CLK1: variants seen among roughly 807,000 people sequenced by gnomAD.
CLK1 encodes dual specificity protein kinase CLK1.
Under a neutral mutation model 60.9 loss-of-function variants are expected in CLK1, and 40 were observed. The ratio of observed to expected loss-of-function variants is 0.66; its 90% CI spans 0.51 to 0.86. The LOEUF is 0.86. CLK1 is among the 40% of genes least tolerant of loss of function. The probability of loss-of-function intolerance (pLI) is 0.00; values close to 1 mark genes in which losing one functional copy is unlikely to be tolerated. For synonymous variants in CLK1, 203 were observed against 184.4 expected (o/e 1.10, Z -0.82); for missense variants, 563 against 606.1 (o/e 0.93, Z 0.75).
At position 200,860,235 on chromosome 2, in the gene CLK1, G is replaced by A. The variant is rs371436258; in HGVS notation, c.391-20C>T. The A allele has an allele frequency of 1.4e-5, 22 of 1,613,472 alleles. No homozygotes were observed. Among genetic ancestry groups the A allele is most frequent in the African/African-American group, 4.0e-5 (3 of 74,818 alleles). ...ACTCTTCTGGAAACGTCAAGTGGGC[G>A]GCACCAAGATCATCCAGCCAATCAA... On this transcript the variant is annotated intron_variant, in intron 3 of 12. Transcript: ENST00000321356.
At position 200,861,430 on chromosome 2, in the gene CLK1, A is replaced by T. The variant is rs2039136216; in HGVS notation, c.198T>A (p.Asp66Glu). The T allele has an allele frequency of 1.2e-6, 2 of 1,613,984 alleles. No homozygotes were observed. The highest frequency in any genetic ancestry group is 2.2e-5 in the East Asian group (1 of 44,876). Residue 66 changes from aspartate (D) to glutamate (E), a missense_variant, in exon 3 of 13, where the codon GAT becomes GAA. Asp to Glu is a conservative substitution (Grantham distance 45). Transcript: ENST00000321356. ...CATCAATGTAGCGTCGACTATGATAATCTTTCTCATTTATAGACCTGCTTT... is the reference window on the plus strand; with the variant it reads ...CATCAATGTAGCGTCGACTATGATATTCTTTCTCATTTATAGACCTGCTTT... ...YLESRSINEKDYHSRRYIDEY... is the reference protein window; with the variant it reads ...YLESRSINEKEYHSRRYIDEY...
intron 11 of CLK1, 72 bp downstream of exon 11, chr2:200,854,544 A>G: frequency 9.9e-7 from 1 of 1,014,336 alleles, no homozygotes; most frequent in Non-Finnish European, 1.5e-6. Flanking sequence ...TCAAAAAAAA[A>G]AAAAAAATTA....
chr2:200,854,708 T>C lies in CLK1; in HGVS notation c.1141-13A>G. The C allele has an allele frequency of 1.3e-6, 2 of 1,574,596 alleles. No individual in the cohort carries two copies. On this transcript the variant is annotated splice_polypyrimidine_tract_variant and intron_variant, in intron 10 of 12. Transcript: ENST00000321356. The stretch of plus-strand genomic sequence containing the variant: ...TACTATCGTGTGTCTAGAAATAAAA[T>C]AAAAACAGACTTGGGGAAGATGACC...
At chr2:200,861,624 C>A in intron 2 of CLK1, 78 bp downstream of exon 2, 1 of 1,574,320 alleles carries the variant, frequency 6.4e-7, no homozygotes, top group South Asian at 1.2e-5. Context: ...TGGTAGTAAT[C>A]AGGTACTTAT....
At chr2:200,864,392 C>T (rs1423323762) in intron 1 of CLK1, 172 bp downstream of exon 1, 2 of 958,638 alleles carry the variant, frequency 2.1e-6, no homozygotes, top group Non-Finnish European at 2.9e-6. Context: ...GGCTCGGCCG[C>T]GCAGGAAAGA....
chr2:200,856,972 A>G lies in CLK1; in HGVS notation c.846T>C (p.Asn282=), dbSNP rs376268678. The G allele has an allele frequency of 1.4e-5, 22 of 1,613,670 alleles. No individual in the cohort carries two copies. The highest frequency in any genetic ancestry group is 1.8e-5 in the Non-Finnish European group (21 of 1,179,788). ...ICKSVNFLHS[N]KLTHTDLKPE... is the part of the protein sequence containing the mutation. The stretch of plus-strand genomic sequence containing the variant: ...GCTTTAAGTCTGTGTGAGTCAACTT[A>G]TTACTGTGCAAAACTGAGAATAAAG... The change falls in exon 8 of 13, where the codon AAT becomes AAC. Residue 282 remains asparagine, a synonymous_variant. Coordinates refer to ENST00000321356, the MANE Select transcript of CLK1 (RefSeq NM_004071.4).
At chr2:200,863,642 G>T (rs1212470303) in intron 1 of CLK1, among the ~76,000 whole-genome samples, 1 of 152,156 alleles carries the variant, frequency 6.6e-6, no homozygotes, top group Non-Finnish European at 1.5e-5. Flanking sequence ...TGGATCACCT[G>T]AGGTCAACAG....
At chr2:200,855,814 G>C (rs1006890688) in intron 9 of CLK1, among the ~76,000 whole-genome samples, 1 of 151,678 alleles carries the variant, frequency 6.6e-6, no homozygotes, top group Non-Finnish European at 1.5e-5. Flanking sequence ...TTTGAGACCA[G>C]CCTGCCAACA....
chr2:200,860,110 A>G lies in CLK1; in HGVS notation c.481+15T>C. 2 of 1,612,006 alleles carry G rather than the reference A, an allele frequency of 1.2e-6. No individual in the cohort carries two copies. Among genetic ancestry groups the G allele is most frequent in the South Asian group, 2.2e-5 (2 of 91,018 alleles). On this transcript the variant is annotated intron_variant, in intron 4 of 12. Transcript: ENST00000321356. ...TTATCTGAAAAGTTAATAAGTGTTG[A>G]AAAATATTCTATACATCTTGCACTT...
At chr2:200,854,918 A>G in intron 10 of CLK1, 86 bp downstream of exon 10, 1 of 997,922 alleles carries the variant, frequency 1.0e-6, no homozygotes, top group Non-Finnish European at 1.5e-6. Context: ...TTAATAGTCT[A>G]TAATGGGGGA....
chr2:200,858,194 T>G lies in CLK1; in HGVS notation c.549-105A>C. On this transcript the variant is annotated intron_variant, in intron 5 of 12. Transcript: ENST00000321356. ...ACTACTCTGACCCACTGTATTTTTT[T>G]AATTTATGGTTTAGTGTTCAGTTCT... 3.7e-6 allele frequency: 3 copies of G among 810,148 alleles called. No homozygotes were observed. The South Asian group carries it at 4.3e-5, about 12-fold the overall frequency. 50.2% of individuals were successfully genotyped at this position (810,148 alleles called of 1,614,324 possible).
intron 4 of CLK1, 109 bp downstream of exon 4, chr2:200,860,010 ATAAAAC>A (rs1474624665): frequency 1.4e-6 from 2 of 1,481,100 alleles, no homozygotes; most frequent in African/African-American, 1.4e-5. Context: ...AAATGGAAAA[ATAAAAC>A]AAAAACAAAA....
In CLK1 at chr2:200,853,242, A is replaced by C. The variant is rs576254266; in HGVS notation, c.*64T>G. 1.3e-5 allele frequency: 16 copies of C among 1,274,526 alleles called. No homozygotes were observed. Among genetic ancestry groups the C allele is most frequent in the Non-Finnish European group, 1.6e-5 (15 of 934,722 alleles). 79.0% of individuals were successfully genotyped at this position (1,274,526 alleles called of 1,614,324 possible). On this transcript the variant is annotated 3_prime_UTR_variant, in exon 13 of 13. Coordinates refer to ENST00000321356, the MANE Select transcript of CLK1 (RefSeq NM_004071.4). ...TTACAAAGCTGTACAAAATAACTTA[A>C]AATTTAAAAATTAGACTGATACAGT...
At chr2:200,858,279 T>A (rs1177195681) in intron 5 of CLK1, 190 bp from the exon 6 acceptor site, 20 of 577,722 alleles carry the variant, frequency 3.5e-5, no homozygotes, top group Middle Eastern at 4.7e-4. Flanking sequence ...TCACATGAGT[T>A]ATTTTTTGGT....
Position 200,858,806 on chromosome 2 carries a change from T to TAACAAC in CLK1, c.549-723_549-718dup, listed in dbSNP as rs57925642. 1.6e-3 allele frequency among the ~76,000 whole-genome samples: 218 copies of TAACAAC among 137,894 alleles called. No individual in the cohort carries two copies. In the East Asian group the frequency reaches 0.016, roughly 10 times the overall value. The allele number at this position is 137,894 out of a possible 152,430, so 90.5% of individuals were successfully genotyped here. A position where few individuals can be genotyped will look rare whatever the true frequency, so the allele number is the denominator to read the frequency against. On this transcript the variant is annotated intron_variant, in intron 5 of 12. Transcript: ENST00000321356. ...TGCCATTCAGGAAGAGGAAGAACAA[T>TAACAAC]AACAACAACAACAACAACAACAACA...
chr2:200,860,012 A>G, intron 4 of CLK1, 113 bp downstream of exon 4: 1 of 1,480,306 alleles, frequency 6.8e-7, no homozygotes, highest in Non-Finnish European at 9.0e-7. Context: ...ATGGAAAAAT[A>G]AAACAAAAAC....
chr2:200,855,151 TAGTTAACACTA>T, intron 9 of CLK1, 65 bp from the exon 10 acceptor site: 1 of 1,210,250 alleles, frequency 8.3e-7, no homozygotes, highest in South Asian at 1.3e-5. Context: ...ATTAAAAAGT[TAGTTAACACTA>T]ATACTTTAAA....
rs1226977125 is a variant in CLK1, at chr2:200,854,781, G to C, written c.1141-86C>G. ...CTGACAGCAAAAAAACTAACATTAA[G>C]GCTTGCAGAACAAACTCGCCAATGA... is the stretch of plus-strand genomic sequence containing the variant. On this transcript the variant is annotated intron_variant, in intron 10 of 12. Coordinates refer to ENST00000321356, the MANE Select transcript of CLK1 (RefSeq NM_004071.4). The C allele has an allele frequency of 6.9e-6, 7 of 1,013,336 alleles. No individual in the cohort carries two copies. In the Admixed American group the frequency reaches 7.8e-5, roughly 11 times the overall value. 62.8% of individuals were successfully genotyped at this position (1,013,336 alleles called of 1,614,324 possible). A position where few individuals can be genotyped will look rare whatever the true frequency, so the allele number is the denominator to read the frequency against.
intron 2 of CLK1, 56 bp downstream of exon 2, chr2:200,861,646 C>A: frequency 6.3e-7 from 1 of 1,587,640 alleles, no homozygotes; most frequent in Non-Finnish European, 8.6e-7. Flanking sequence ...TTAAGTGATA[C>A]TAGTTTTGTC....
Sources: allele counts gnomAD v4.1 joint callset (sites outside exome capture counted in the v4.1 genomes callset), GRCh38; gene constraint gnomAD v4.1.1; transcripts MANE v1.5; gene names NCBI Gene and HGNC (gene_info 2026-07-23, HGNC 2026-07-21).